Variants in TMEM135 observed in about 807,000 individuals in gnomAD.
TMEM135 encodes peroxisomal membrane protein 52.
Under a neutral mutation model 60.3 loss-of-function variants are expected in TMEM135, and 30 were observed. The observed-to-expected ratio is 0.50, with a 90% CI of 0.37 to 0.68. The LOEUF (loss-of-function observed/expected upper bound fraction) is 0.68. TMEM135 is among the 30% of genes least tolerant of loss of function. The pLI is 0.00. For missense variants in TMEM135, 468 were observed against 548.8 expected (o/e 0.85, Z 1.47); for synonymous variants, 190 against 186.7 (o/e 1.02, Z -0.14).
At chr11:87,054,787 A>C (rs1949876599) in intron 1 of TMEM135, among the ~76,000 whole-genome samples, 1 of 152,056 alleles carries the variant, frequency 6.6e-6, no homozygotes, top group Non-Finnish European at 1.5e-5. Flanking sequence ...AGAAATACAC[A>C]TGGGACAATT....
intron 3 of TMEM135, among the ~76,000 whole-genome samples, chr11:87,080,312 C>G (rs1473769589): frequency 6.6e-6 from 1 of 151,802 alleles, no homozygotes; most frequent in East Asian, 1.9e-4. Context: ...TGCAGTGTAT[C>G]TATACATGCC....
chr11:87,045,782 A>T (rs1383964286), intron 1 of TMEM135, among the ~76,000 whole-genome samples: 1 of 152,226 alleles, frequency 6.6e-6, no homozygotes, highest in Non-Finnish European at 1.5e-5. Flanking sequence ...GCCAATAAAT[A>T]TTGATGAAAT....
At chr11:87,207,791 G>A (rs1940269947) in intron 5 of TMEM135, among the ~76,000 whole-genome samples, 1 of 152,112 alleles carries the variant, frequency 6.6e-6, no homozygotes. Context: ...GCCTCTGCTG[G>A]AGCACTTATG....
intron 6 of TMEM135, among the ~76,000 whole-genome samples, chr11:87,265,354 C>G (rs181512903): frequency 6.6e-6 from 1 of 152,058 alleles, no homozygotes; most frequent in Admixed American, 6.5e-5. Flanking sequence ...AGACCAAGTT[C>G]CTGTCATCCA....
intron 4 of TMEM135, among the ~76,000 whole-genome samples, chr11:87,116,299 G>A (rs1480990562): frequency 1.3e-5 from 2 of 152,124 alleles, no homozygotes; most frequent in Admixed American, 6.5e-5. Flanking sequence ...ATAAGAAAGC[G>A]ATGATATTGA....
At chr11:87,054,954 C>A (rs1347742533) in intron 1 of TMEM135, among the ~76,000 whole-genome samples, 1 of 152,182 alleles carries the variant, frequency 6.6e-6, no homozygotes, top group Admixed American at 6.5e-5. Context: ...TCTTATCTAC[C>A]CTTATTTCAT....
intron 2 of TMEM135, among the ~76,000 whole-genome samples, chr11:87,068,391 TTTTA>T (rs1856707437): frequency 6.6e-6 from 1 of 152,236 alleles, no homozygotes; most frequent in African/African-American, 2.4e-5. Flanking sequence ...TAGCTATTCT[TTTTA>T]TTTTTTTCCT....
At chr11:87,078,358 T>A (rs1856916547) in intron 3 of TMEM135, among the ~76,000 whole-genome samples, 1 of 152,222 alleles carries the variant, frequency 6.6e-6, no homozygotes, top group South Asian at 2.1e-4. Flanking sequence ...TAGTTTTTGA[T>A]CATTTACATA....
In TMEM135 at chr11:87,325,859, A is replaced by G. The variant is rs144775611; in HGVS notation, c.*4526A>G. 17 of 453,930 alleles carry G rather than the reference A, an allele frequency of 3.7e-5. No homozygotes were observed. Among genetic ancestry groups the G allele is most frequent in the African/African-American group, 2.8e-4 (14 of 50,062 alleles). The allele number at this position is 453,930 out of a possible 1,614,324, so 28.1% of individuals were successfully genotyped here. A position where few individuals can be genotyped will look rare whatever the true frequency, so the allele number is the denominator to read the frequency against. ...CCCCGTAACATCACTTGACTCTGGA[A>G]TTTCCTATTTTCTTTTACTTTCTCC... On this transcript the variant is annotated 3_prime_UTR_variant, in exon 15 of 15. Coordinates refer to ENST00000305494, the MANE Select transcript of TMEM135 (RefSeq NM_022918.4).
At chr11:87,047,464 G>A (rs750162939) in intron 1 of TMEM135, among the ~76,000 whole-genome samples, 156 of 151,226 alleles carry the variant, frequency 1.0e-3, no homozygotes, top group Non-Finnish European at 1.6e-3. Context: ...TGCGCGCACC[G>A]TGCGCGAGCC....
intron 12 of TMEM135, among the ~76,000 whole-genome samples, chr11:87,314,757 A>G (rs1942698155): frequency 6.6e-6 from 1 of 151,762 alleles, no homozygotes; most frequent in Admixed American, 6.6e-5. Flanking sequence ...ATTAACCCTC[A>G]TGCACCCATC....
chr11:87,126,502 T>C (rs538167489), intron 4 of TMEM135, among the ~76,000 whole-genome samples: 302 of 152,020 alleles, frequency 2.0e-3, no homozygotes, highest in Non-Finnish European at 3.5e-3. Flanking sequence ...AAAAATTTAG[T>C]ATACTGTGTT....
intron 11 of TMEM135, 124 bp from the exon 12 acceptor site, chr11:87,314,347 G>C: frequency 1.3e-6 from 1 of 791,554 alleles, no homozygotes; most frequent in Non-Finnish European, 2.1e-6. Context: ...GTTTATTACT[G>C]TCCTTGATTG....
intron 1 of TMEM135, among the ~76,000 whole-genome samples, chr11:87,041,781 G>T (rs546961909): frequency 6.6e-6 from 1 of 152,318 alleles, no homozygotes; most frequent in African/African-American, 2.4e-5. Context: ...AATAGTGCGG[G>T]AGTGAAGACA....
chr11:87,222,656 T>C (rs1940662774), intron 5 of TMEM135, among the ~76,000 whole-genome samples: 1 of 148,002 alleles, frequency 6.8e-6, no homozygotes, highest in Non-Finnish European at 1.5e-5. Flanking sequence ...ATACAAAAAA[T>C]AGCTGGGTGT....
intron 6 of TMEM135, among the ~76,000 whole-genome samples, chr11:87,254,872 A>T (rs513888): frequency 0.66 from 100,071 of 151,866 alleles, 33,550 homozygotes; most frequent in Non-Finnish European, 0.71. Context: ...CTGGTGTGGC[A>T]GCTCATTCCT....
intron 1 of TMEM135, among the ~76,000 whole-genome samples, chr11:87,046,533 A>G (rs972665163): frequency 6.6e-6 from 1 of 152,278 alleles, no homozygotes; most frequent in African/African-American, 2.4e-5. Context: ...AAATATTTTC[A>G]GTGAAACATA....
At chr11:87,289,189 T>C (rs1232661382) in intron 6 of TMEM135, among the ~76,000 whole-genome samples, 1 of 152,204 alleles carries the variant, frequency 6.6e-6, no homozygotes, top group Non-Finnish European at 1.5e-5. Flanking sequence ...GAAATAATTG[T>C]ACATATTCAT....
chr11:87,327,364 G>T lies in TMEM135; in HGVS notation c.*6031G>T. Reference sequence around the variant, plus strand: ...AAACATGAAAAACCAGCATATTAAAGATGCCAGGTCAGAAAAATAGAAAGA... The same window carrying T: ...AAACATGAAAAACCAGCATATTAAATATGCCAGGTCAGAAAAATAGAAAGA... On this transcript the variant is annotated 3_prime_UTR_variant, in exon 15 of 15. Transcript: ENST00000305494. 1 of 453,820 alleles carries T rather than the reference G, an allele frequency of 2.2e-6. No homozygotes were observed. Among genetic ancestry groups the T allele is most frequent in the Non-Finnish European group, 4.4e-6 (1 of 226,758 alleles). 28.1% of individuals were successfully genotyped at this position (453,820 alleles called of 1,614,324 possible).
Sources: allele counts gnomAD v4.1 joint callset (sites outside exome capture counted in the v4.1 genomes callset), GRCh38; gene constraint gnomAD v4.1.1; transcripts MANE v1.5; gene names NCBI Gene and HGNC (gene_info 2026-07-23, HGNC 2026-07-21).